Variants in ZNF90 observed in about 807,000 individuals in gnomAD.
The protein encoded by ZNF90 is zinc finger protein 90, also known as zinc finger protein HTF9.
A neutral mutation model predicts 12.0 loss-of-function variants in ZNF90; 11 were observed. The observed-to-expected ratio is 0.92, with a 90% CI of 0.58 to 1.52. The LOEUF is 1.52. ZNF90 is among the 40% of genes most tolerant of loss of function. The pLI is 0.00. For synonymous variants in ZNF90, 232 were observed against 240.1 expected, an observed-to-expected ratio of 0.97 and a Z score of 0.31; for missense variants, 765 against 711.5, an observed-to-expected ratio of 1.08 and a Z score of -0.86.
Position 20,119,374 on chromosome 19 carries a change from C to T in ZNF90, c.*14C>T, listed in dbSNP as rs201631729. The T allele has an allele frequency of 1.9e-6, 3 of 1,551,710 alleles. No individual in the cohort carries two copies. The highest frequency in any genetic ancestry group is 2.6e-6 in the Non-Finnish European group (3 of 1,147,498). On this transcript the variant is annotated 3_prime_UTR_variant, in exon 4 of 4. Coordinates refer to ENST00000418063, the MANE Select transcript of ZNF90 (RefSeq NM_007138.2). The stretch of plus-strand genomic sequence containing the variant: ...GCAAATCTTTGAAATATTCCTCAAC[C>T]CTTAATAAACATAAGATAATTCATA...
chr19:20,097,922 T>C (rs1397339364), intron 1 of ZNF90, among the ~76,000 whole-genome samples: 3 of 152,218 alleles, frequency 2.0e-5, no homozygotes, highest in Non-Finnish European at 4.4e-5. Context: ...TAAACAAATA[T>C]AAATTTCTGA....
chr19:20,078,233 C>G, intron 1 of ZNF90, 98 bp downstream of exon 1: 1 of 1,494,522 alleles, frequency 6.7e-7, no homozygotes, highest in Non-Finnish European at 9.3e-7. Context: ...GCAGTCAGCT[C>G]CACAATCTGC....
chr19:20,119,693 T>A lies in ZNF90; in HGVS notation c.*333T>A. 1 of 210,064 alleles carries A rather than the reference T, an allele frequency of 4.8e-6. No homozygotes were observed. The highest frequency in any genetic ancestry group is 8.2e-5 in the South Asian group (1 of 12,252). The allele number at this position is 210,064 out of a possible 1,614,324, so 13.0% of individuals were successfully genotyped here. ...TGGAGTGCAATGGCACGATCTCTGC[T>A]CACTGCAACCTCTTCCTCCTGGTTC... is the stretch of plus-strand genomic sequence containing the variant. On this transcript the variant is annotated 3_prime_UTR_variant, in exon 4 of 4. Transcript: ENST00000418063.
intron 1 of ZNF90, among the ~76,000 whole-genome samples, chr19:20,079,341 G>A (rs1300241390): frequency 5.3e-5 from 8 of 150,822 alleles, no homozygotes; most frequent in South Asian, 2.1e-4. Flanking sequence ...GTTTGTCCAG[G>A]CAGATGCAGT....
chr19:20,082,653 G>A (rs1368989945), intron 1 of ZNF90, among the ~76,000 whole-genome samples: 1 of 152,164 alleles, frequency 6.6e-6, no homozygotes, highest in African/African-American at 2.4e-5. Context: ...AGGGACCTCT[G>A]CCTAGGAAAG....
At position 20,118,924 on chromosome 19, in the gene ZNF90, A is replaced by T. The variant is rs782048457; in HGVS notation, c.1370A>T (p.Glu457Val). ...GGAGAGAAACCCTACAAATGTGAAG[A>T]ATGTGGCAAAGCCTTCAAGCGCTCC... ...HSGEKPYKCE[E>V]CGKAFKRSSN... is the part of the protein sequence containing the mutation. The change falls in exon 4 of 4, where the codon GAA (glutamate) becomes GTA (valine). Residue 457 changes from glutamate to valine, a missense_variant. Physicochemically the swap from Glu to Val is moderately radical, Grantham distance 121. Transcript: ENST00000418063. 3 of 1,613,452 alleles carry T rather than the reference A, an allele frequency of 1.9e-6. No individual in the cohort carries two copies. Among genetic ancestry groups the T allele is most frequent in the Non-Finnish European group, 8.5e-7 (1 of 1,179,764 alleles).
At position 20,083,326 on chromosome 19, in the gene ZNF90, G is replaced by C. The variant is rs546050692; in HGVS notation, c.3+5191G>C. On this transcript the variant is annotated intron_variant, in intron 1 of 3. Coordinates refer to ENST00000418063, the MANE Select transcript of ZNF90 (RefSeq NM_007138.2). ...TTAGCATTAGTTTTCTTTTTTTTTT[G>C]TTTTTTGTTTTGTTTTTTGAGATGA... 8.0e-5 allele frequency among the ~76,000 whole-genome samples: 12 copies of C among 150,302 alleles called. No homozygotes were observed. The South Asian group carries it at 2.5e-3, about 32-fold the overall frequency.
In ZNF90 at chr19:20,117,868, A is replaced by G. The variant is rs2089153845; in HGVS notation, c.314A>G (p.Lys105Arg). ...FQKVIVTRYE[K>R]REYGNLELKK... Reference sequence around the variant, plus strand: ...AAAGTGATAGTGACAAGATATGAAAAACGTGAATATGGCAATTTAGAGTTA... The same window carrying G: ...AAAGTGATAGTGACAAGATATGAAAGACGTGAATATGGCAATTTAGAGTTA... The change falls in exon 4 of 4, where the codon AAA becomes AGA. Residue 105 changes from lysine to arginine, a missense_variant. By Grantham distance (26) the Lys-to-Arg change is conservative. Transcript: ENST00000418063. The G allele has an allele frequency of 1.9e-6, 3 of 1,610,094 alleles. No individual in the cohort carries two copies. The highest frequency in any genetic ancestry group is 2.5e-6 in the Non-Finnish European group (3 of 1,178,176).
chr19:20,085,996 A>G (rs2088856282), intron 1 of ZNF90, among the ~76,000 whole-genome samples: 1 of 152,190 alleles, frequency 6.6e-6, no homozygotes, highest in African/African-American at 2.4e-5. Context: ...ATACAGAATG[A>G]TAAAGACTAA....
At chr19:20,085,768 T>A (rs2088854667) in intron 1 of ZNF90, among the ~76,000 whole-genome samples, 1 of 152,240 alleles carries the variant, frequency 6.6e-6, no homozygotes. Context: ...TTCTTTGTTT[T>A]ATTGAAATAT....
chr19:20,111,766 GA>G (rs1312585269), intron 3 of ZNF90, among the ~76,000 whole-genome samples: 2 of 151,868 alleles, frequency 1.3e-5, no homozygotes, highest in African/African-American at 4.8e-5. Flanking sequence ...AATCTTATAA[GA>G]ACTTCAATTG....
At chr19:20,095,038 G>A (rs543108287) in intron 1 of ZNF90, among the ~76,000 whole-genome samples, 5 of 151,946 alleles carry the variant, frequency 3.3e-5, no homozygotes, top group Admixed American at 6.6e-5. Flanking sequence ...GACTTAGCTC[G>A]GCCTGGCAAT....
intron 3 of ZNF90, 104 bp downstream of exon 3, chr19:20,105,420 A>C (rs117154375): frequency 0.014 from 12,998 of 903,936 alleles, 125 homozygotes; most frequent in Middle Eastern, 0.026. Context: ...CTGTGTTCCA[A>C]AGAGAATAGT....
In ZNF90 at chr19:20,119,778, A is replaced by T. The variant is rs2089180190; in HGVS notation, c.*418A>T. 6.0e-6 allele frequency: 1 copy of T among 166,282 alleles called. No individual in the cohort carries two copies. The highest frequency in any genetic ancestry group is 5.7e-5 in the Admixed American group (1 of 17,692). 10.3% of individuals were successfully genotyped at this position (166,282 alleles called of 1,614,324 possible). On this transcript the variant is annotated 3_prime_UTR_variant, in exon 4 of 4. Transcript: ENST00000418063. ...CCCAACTAATTTTTGTATTTTTGGT[A>T]GAGACAGGGTTTTGCCATATTTAAC...
At chr19:20,096,345 T>C (rs533974588) in intron 1 of ZNF90, among the ~76,000 whole-genome samples, 34 of 152,260 alleles carry the variant, frequency 2.2e-4, no homozygotes, top group African/African-American at 8.2e-4. Flanking sequence ...TTCATGCATG[T>C]CCGTGTGAAG....
intron 1 of ZNF90, among the ~76,000 whole-genome samples, chr19:20,102,216 T>C (rs1403976410): frequency 6.6e-6 from 1 of 152,224 alleles, no homozygotes; most frequent in Non-Finnish European, 1.5e-5. Context: ...ACTTCCTCGA[T>C]CTTAATGTCT....
At chr19:20,106,978 G>A (rs1480060903) in intron 3 of ZNF90, 1 of 454,398 alleles carries the variant, frequency 2.2e-6, no homozygotes, top group African/African-American at 2.0e-5. Context: ...TTGCTCTGTA[G>A]GGCAGACACT....
Position 20,118,902 on chromosome 19 carries a change from G to C in ZNF90, c.1348G>C (p.Glu450Gln), listed in dbSNP as rs879968472. 6.2e-7 allele frequency: 1 copy of C among 1,606,058 alleles called. No individual in the cohort carries two copies. The highest frequency in any genetic ancestry group is 8.5e-7 in the Non-Finnish European group (1 of 1,177,360). Residue 450 changes from glutamate (E) to glutamine (Q), a missense_variant, in exon 4 of 4, where the codon GAG becomes CAG. Physicochemically the swap from Glu to Gln is conservative, Grantham distance 29. Coordinates refer to ENST00000418063, the MANE Select transcript of ZNF90 (RefSeq NM_007138.2). The stretch of plus-strand genomic sequence containing the variant: ...CACACATAAGATAATTCATAGTGGA[G>C]AGAAACCCTACAAATGTGAAGAATG... ...LSTHKIIHSG[E>Q]KPYKCEECGK...
At chr19:20,099,921 A>ACAGAAAC (rs2088976289) in intron 1 of ZNF90, among the ~76,000 whole-genome samples, 1 of 152,218 alleles carries the variant, frequency 6.6e-6, no homozygotes, top group African/African-American at 2.4e-5. Context: ...TTAGGAGAGT[A>ACAGAAAC]TTATTGGCTG....
Sources: allele counts gnomAD v4.1 joint callset (sites outside exome capture counted in the v4.1 genomes callset), GRCh38; gene constraint gnomAD v4.1.1; transcripts MANE v1.5; gene names NCBI Gene and HGNC (gene_info 2026-07-23, HGNC 2026-07-21).